Variants in SRRM4 observed in about 807,000 individuals in gnomAD.
The protein encoded by SRRM4 is serine/arginine repetitive matrix 4, also known as serine/arginine repetitive matrix protein 4.
SRRM4 carries 33 observed loss-of-function variants against 68.9 expected under a neutral mutation model. The ratio of observed to expected loss-of-function variants is 0.48; its 90% CI spans 0.36 to 0.64. The LOEUF (loss-of-function observed/expected upper bound fraction) is 0.64, where lower values mean the gene tolerates loss of function less well. Ranked by LOEUF, SRRM4 falls within the 30% of genes least tolerant of loss-of-function variation. The pLI is 0.00. For missense variants in SRRM4, 817 were observed against 827.1 expected, an observed-to-expected ratio of 0.99 and a Z score of 0.15; for synonymous variants, 318 against 318.8, an observed-to-expected ratio of 1.00 and a Z score of 0.03.
chr12:118,984,828 T>C (rs1369943534), intron 1 of SRRM4, among the ~76,000 whole-genome samples: 1 of 152,192 alleles, frequency 6.6e-6, no homozygotes, highest in Non-Finnish European at 1.5e-5. Flanking sequence ...CAGTATATCA[T>C]AGTGGTTAAG....
chr12:119,118,082 CGAGCAACCATCCCCT>C (rs1216808021), intron 4 of SRRM4, among the ~76,000 whole-genome samples: 1 of 152,080 alleles, frequency 6.6e-6, no homozygotes, highest in Non-Finnish European at 1.5e-5. Flanking sequence ...TATTTTCCCA[CGAGCAACCATCCCCT>C]GGAGCTGAGG....
chr12:119,027,528 C>T (rs869715), intron 1 of SRRM4, among the ~76,000 whole-genome samples: 114,491 of 151,956 alleles, frequency 0.75, 43,719 homozygotes, highest in Middle Eastern at 0.88. Flanking sequence ...TCTACAAGCA[C>T]TCATTGTGCC....
chr12:119,073,353 C>T (rs1349162993), intron 1 of SRRM4, among the ~76,000 whole-genome samples: 7 of 144,086 alleles, frequency 4.9e-5, no homozygotes, highest in Non-Finnish European at 7.5e-5. Flanking sequence ...GAAGGAGTCT[C>T]ACTCTGTTGC....
At chr12:119,067,127 C>A (rs925476384) in intron 1 of SRRM4, among the ~76,000 whole-genome samples, 1 of 147,702 alleles carries the variant, frequency 6.8e-6, no homozygotes, top group East Asian at 1.9e-4. Flanking sequence ...TGCGTGTCCA[C>A]CCCAAATTAT....
In SRRM4 at chr12:119,156,913, C is replaced by G. The variant is rs1954477796; in HGVS notation, c.*115C>G. ...GTGAGGGCTCCTATACCTTGTCCTT[C>G]CTGCTTGCCTAGGGGAAGAGGAGAA... On this transcript the variant is annotated 3_prime_UTR_variant, in exon 13 of 13. Coordinates refer to ENST00000267260, the MANE Select transcript of SRRM4 (RefSeq NM_194286.4). 1 of 1,303,214 alleles carries G rather than the reference C, an allele frequency of 7.7e-7. No homozygotes were observed. Among genetic ancestry groups the G allele is most frequent in the African/African-American group, 1.5e-5 (1 of 67,080 alleles). The allele number at this position is 1,303,214 out of a possible 1,614,324, so 80.7% of individuals were successfully genotyped here.
intron 1 of SRRM4, among the ~76,000 whole-genome samples, chr12:119,063,632 C>A (rs1295025398): frequency 1.3e-5 from 2 of 152,078 alleles, no homozygotes; most frequent in Non-Finnish European, 2.9e-5. Context: ...CTATTTTGTG[C>A]CTGGAAGAAG....
intron 1 of SRRM4, among the ~76,000 whole-genome samples, chr12:119,091,678 C>T (rs1954015074): frequency 6.6e-6 from 1 of 152,148 alleles, no homozygotes. Context: ...AAAGGACTTG[C>T]CCAAGGTCAC....
chr12:119,079,083 T>A (rs1032006806), intron 1 of SRRM4, among the ~76,000 whole-genome samples: 2 of 152,026 alleles, frequency 1.3e-5, no homozygotes, highest in African/African-American at 4.8e-5. Context: ...TCCAGGAGGA[T>A]GTGATGCAGG....
chr12:119,014,701 G>T (rs1221553014), intron 1 of SRRM4, among the ~76,000 whole-genome samples: 1 of 152,168 alleles, frequency 6.6e-6, no homozygotes, highest in Non-Finnish European at 1.5e-5. Flanking sequence ...GGTAAGAAGG[G>T]AGGTACAGTG....
intron 1 of SRRM4, among the ~76,000 whole-genome samples, chr12:119,051,730 A>C (rs1953743907): frequency 6.6e-6 from 1 of 152,128 alleles, no homozygotes; most frequent in South Asian, 2.1e-4. Flanking sequence ...TTTTTTGTTT[A>C]ATCTCTTGTT....
intron 8 of SRRM4, among the ~76,000 whole-genome samples, chr12:119,139,122 G>T (rs1565917487): frequency 6.6e-6 from 1 of 152,160 alleles, no homozygotes. Context: ...ATATAAATAA[G>T]GAGGCAAAAA....
rs569208709 is a variant in SRRM4, at chr12:119,162,616, C to T, written c.*5818C>T. ...CCCTTGGTAGCTTTTTCTCCGGGGTCCTGTGCTATAAGAACTTCTCTCTGC... is the reference window on the plus strand; with the variant it reads ...CCCTTGGTAGCTTTTTCTCCGGGGTTCTGTGCTATAAGAACTTCTCTCTGC... On this transcript the variant is annotated 3_prime_UTR_variant, in exon 13 of 13. Coordinates refer to ENST00000267260, the MANE Select transcript of SRRM4 (RefSeq NM_194286.4). 14 of 152,262 alleles carry T rather than the reference C, an allele frequency of 9.2e-5. No individual in the cohort carries two copies. The South Asian group carries it at 1.2e-3, about 14-fold the overall frequency. 9.4% of individuals were successfully genotyped at this position (152,262 alleles called of 1,614,324 possible).
chr12:119,059,450 A>T (rs1953797442), intron 1 of SRRM4, among the ~76,000 whole-genome samples: 1 of 152,134 alleles, frequency 6.6e-6, no homozygotes, highest in Non-Finnish European at 1.5e-5. Flanking sequence ...GGAAGTACTG[A>T]TTAGGATAAA....
In SRRM4 at chr12:119,150,990, T is replaced by C. The variant is rs201510410; in HGVS notation, c.1077-27T>C. On this transcript the variant is annotated intron_variant, in intron 9 of 12. Coordinates refer to ENST00000267260, the MANE Select transcript of SRRM4 (RefSeq NM_194286.4). ...TGCTCCCAGAGTAGTGGGCAGTCGG[T>C]GCTCATGGACATTTTCCCACCTGCA... 3.3e-5 allele frequency: 53 copies of C among 1,609,922 alleles called. No individual in the cohort carries two copies. In the African/African-American group the frequency reaches 6.9e-4, roughly 21 times the overall value.
At position 119,155,589 on chromosome 12, in the gene SRRM4, C is replaced by T. The variant is rs529929888; in HGVS notation, c.1533-906C>T. Among the ~76,000 whole-genome samples, 14 of 152,220 alleles carry T rather than the reference C, an allele frequency of 9.2e-5. No homozygotes were observed. The East Asian group carries it at 2.7e-3, about 29-fold the overall frequency. On this transcript the variant is annotated intron_variant, in intron 12 of 12. Coordinates refer to ENST00000267260, the MANE Select transcript of SRRM4 (RefSeq NM_194286.4). ...CTCTACCAAAAATACAAAACACTAG[C>T]CAGGCATGGTGGTGTGCACCTGTGG...
Position 118,981,798 on chromosome 12 carries a change from G to A in SRRM4, c.-85G>A. On this transcript the variant is annotated 5_prime_UTR_variant, in exon 1 of 13. Coordinates refer to ENST00000267260, the MANE Select transcript of SRRM4 (RefSeq NM_194286.4). The stretch of plus-strand genomic sequence containing the variant: ...CTCTGGGTTTCACCCGGACAGAGCC[G>A]GGAGCTGGGTGTCGCCCCCGTTTGG... The A allele has an allele frequency of 1.4e-6, 2 of 1,442,384 alleles. No homozygotes were observed. The highest frequency in any genetic ancestry group is 1.3e-5 in the South Asian group (1 of 74,910). The allele number at this position is 1,442,384 out of a possible 1,614,324, so 89.3% of individuals were successfully genotyped here. A position where few individuals can be genotyped will look rare whatever the true frequency, so the allele number is the denominator to read the frequency against.
Position 119,156,619 on chromosome 12 carries a change from C to T in SRRM4, c.1657C>T (p.Arg553Trp), listed in dbSNP as rs1317743844. 2 of 1,607,796 alleles carry T rather than the reference C, an allele frequency of 1.2e-6. No homozygotes were observed. Among genetic ancestry groups the T allele is most frequent in the African/African-American group, 1.3e-5 (1 of 74,728 alleles). ...RSASRSYSRS[R>W]SRSRSRRRSR... The stretch of plus-strand genomic sequence containing the variant: ...GGCCAGCCGCAGCTACTCCCGGAGC[C>T]GGAGTCGGAGCCGGAGCCGGAGACG... Residue 553 changes from arginine (R) to tryptophan (W), a missense_variant, in exon 13 of 13, where the codon CGG becomes TGG. Arg to Trp is a moderately radical substitution (Grantham distance 101, BLOSUM62 -3). Coordinates refer to ENST00000267260, the MANE Select transcript of SRRM4 (RefSeq NM_194286.4).
chr12:119,065,419 A>G (rs569192199), intron 1 of SRRM4, among the ~76,000 whole-genome samples: 5 of 152,302 alleles, frequency 3.3e-5, no homozygotes, highest in Admixed American at 6.5e-5. Context: ...AACACAGTTG[A>G]CAGCCCAGAG....
At chr12:118,984,693 G>A (rs191474741) in intron 1 of SRRM4, among the ~76,000 whole-genome samples, 1 of 152,258 alleles carries the variant, frequency 6.6e-6, no homozygotes, top group Admixed American at 6.5e-5. Context: ...GCAACCCCCT[G>A]CTTAGTCTCT....
Sources: gnomAD v4.1 joint callset for allele counts (sites outside exome capture counted in the v4.1 genomes callset) on GRCh38, gnomAD v4.1.1 for gene constraint, MANE v1.5 for transcripts, NCBI Gene and HGNC (gene_info 2026-07-23, HGNC 2026-07-21) for gene names.